FRMD3: variants seen among roughly 807,000 people sequenced by gnomAD.
FRMD3 encodes the protein FERM domain containing 3.
Under a neutral mutation model 70.2 loss-of-function variants are expected in FRMD3, and 33 were observed. The ratio of observed to expected loss-of-function variants is 0.47; its 90% CI spans 0.36 to 0.63. FRMD3 has a LOEUF of 0.63. Ranked by LOEUF, FRMD3 falls within the 20% of genes least tolerant of loss-of-function variation. FRMD3 has a pLI of 0.00. For synonymous variants in FRMD3, 279 were observed against 255.9 expected, an observed-to-expected ratio of 1.09 and a Z score of -0.86; for missense variants, 632 against 711.4, an observed-to-expected ratio of 0.89 and a Z score of 1.27.
At chr9:83,469,330 T>G (rs1303836005) in intron 1 of FRMD3, among the ~76,000 whole-genome samples, 1 of 152,186 alleles carries the variant, frequency 6.6e-6, no homozygotes, top group African/African-American at 2.4e-5. Flanking sequence ...AGCAATCCAG[T>G]AGGGATCCAC....
At chr9:83,514,678 C>G (rs1333707944) in intron 1 of FRMD3, among the ~76,000 whole-genome samples, 1 of 152,174 alleles carries the variant, frequency 6.6e-6, no homozygotes, top group East Asian at 1.9e-4. Context: ...GAGACTCCCC[C>G]CAGCAAGGGT....
intron 13 of FRMD3, among the ~76,000 whole-genome samples, chr9:83,283,912 T>C (rs1006691906): frequency 2.0e-5 from 3 of 152,244 alleles, no homozygotes; most frequent in African/African-American, 4.8e-5. Context: ...TGTGTTTTCA[T>C]GCACCAGTGT....
At chr9:83,522,354 C>T (rs4416904) in intron 1 of FRMD3, among the ~76,000 whole-genome samples, 7,871 of 151,996 alleles carry the variant, frequency 0.052, 301 homozygotes, top group East Asian at 0.2. Context: ...CCTCTGCTCG[C>T]GGAGGCCAGA....
At chr9:83,273,405 G>C (rs1833679549) in intron 13 of FRMD3, among the ~76,000 whole-genome samples, 2 of 151,000 alleles carry the variant, frequency 1.3e-5, no homozygotes, top group Non-Finnish European at 2.9e-5. Context: ...TGCAAGATGT[G>C]CTTTGTTAAA....
chr9:83,424,974 A>G (rs1826762096), intron 1 of FRMD3, among the ~76,000 whole-genome samples: 1 of 152,262 alleles, frequency 6.6e-6, no homozygotes, highest in Non-Finnish European at 1.5e-5. Flanking sequence ...AAACTAGTTT[A>G]CAAGTAGATG....
intron 13 of FRMD3, among the ~76,000 whole-genome samples, chr9:83,255,387 G>T (rs1467015932): frequency 6.6e-6 from 1 of 151,918 alleles, no homozygotes; most frequent in Non-Finnish European, 1.5e-5. Context: ...ACCTCAAAAT[G>T]ATAAGAGCCA....
At chr9:83,393,440 C>A (rs769363185) in intron 1 of FRMD3, among the ~76,000 whole-genome samples, 1 of 152,258 alleles carries the variant, frequency 6.6e-6, no homozygotes, top group East Asian at 1.9e-4. Context: ...ATTTTTCCAA[C>A]GACAGGGTGG....
chr9:83,293,293 T>G (rs1247797843), intron 12 of FRMD3, among the ~76,000 whole-genome samples: 1 of 152,206 alleles, frequency 6.6e-6, no homozygotes, highest in East Asian at 1.9e-4. Context: ...TGGCCACTCA[T>G]GACTATGATT....
intron 1 of FRMD3, among the ~76,000 whole-genome samples, chr9:83,438,203 A>G (rs746062508): frequency 4.6e-5 from 7 of 152,240 alleles, no homozygotes; most frequent in Admixed American, 1.3e-4. Context: ...CCACAAAAAT[A>G]TGGGGTAGTG....
Position 83,457,265 on chromosome 9 carries a change from A to G in FRMD3, c.148-67557T>C, listed in dbSNP as rs143008932. 4.3e-3 allele frequency among the ~76,000 whole-genome samples: 656 copies of G among 152,342 alleles called. 5 individuals are homozygous for G. The highest frequency in any genetic ancestry group is 7.1e-3 in the Admixed American group (109 of 15,290). On this transcript the variant is annotated intron_variant, in intron 1 of 13. Transcript: ENST00000304195. ...CCATCCAGCACTGGTCTGAAGTTCAACTACTCAGAAATATCAACACTATAG... is the reference window on the plus strand; with the variant it reads ...CCATCCAGCACTGGTCTGAAGTTCAGCTACTCAGAAATATCAACACTATAG...
chr9:83,245,786 T>G lies in FRMD3; in HGVS notation c.*2132A>C. 21 of 985,056 alleles carry G rather than the reference T, an allele frequency of 2.1e-5. No individual in the cohort carries two copies. Among genetic ancestry groups the G allele is most frequent in the Non-Finnish European group, 2.5e-5 (21 of 829,646 alleles). 61.0% of individuals were successfully genotyped at this position (985,056 alleles called of 1,614,324 possible). A position where few individuals can be genotyped will look rare whatever the true frequency, so the allele number is the denominator to read the frequency against. ...TTGTGCAGACTACACTAAAGTTGCC[T>G]TATGTCAGAAAGGATGACTTAGAAG... On this transcript the variant is annotated 3_prime_UTR_variant, in exon 14 of 14. Transcript: ENST00000304195.
chr9:83,354,638 C>T (rs943008252), intron 3 of FRMD3, among the ~76,000 whole-genome samples: 1 of 152,054 alleles, frequency 6.6e-6, no homozygotes, highest in African/African-American at 2.4e-5. Flanking sequence ...TGCATGTAAA[C>T]CCTGAATCTA....
At chr9:83,346,566 T>C (rs991437399) in intron 4 of FRMD3, among the ~76,000 whole-genome samples, 2 of 152,194 alleles carry the variant, frequency 1.3e-5, no homozygotes, top group Non-Finnish European at 2.9e-5. Context: ...GGATGACCAC[T>C]TGGGTGCAAA....
intron 13 of FRMD3, among the ~76,000 whole-genome samples, chr9:83,290,344 G>C (rs1317100124): frequency 6.6e-6 from 1 of 152,126 alleles, no homozygotes; most frequent in Non-Finnish European, 1.5e-5. Flanking sequence ...GACTGGTGTA[G>C]GTCTAACACC....
At chr9:83,544,383 C>T in the FRMD3 span, among the ~76,000 whole-genome samples, 47 of 152,240 alleles carry the variant, frequency 3.1e-4, no homozygotes, top group African/African-American at 1.1e-3. Flanking sequence ...ATTGGGTTAT[C>T]CAAGAACAAG....
At chr9:83,404,030 A>G (rs1826027864) in intron 1 of FRMD3, among the ~76,000 whole-genome samples, 1 of 151,728 alleles carries the variant, frequency 6.6e-6, no homozygotes, top group South Asian at 2.1e-4. Context: ...TTCCTAAAAC[A>G]ACTGCTCTGT....
intron 6 of FRMD3, among the ~76,000 whole-genome samples, chr9:83,317,193 T>TACAC (rs71823603): frequency 0.076 from 11,043 of 145,026 alleles, 481 homozygotes; most frequent in East Asian, 0.18. Context: ...CTCTCATGCA[T>TACAC]ACACACACAC....
chr9:83,579,893 A>T, the FRMD3 span, among the ~76,000 whole-genome samples: 1 of 152,082 alleles, frequency 6.6e-6, no homozygotes, highest in Non-Finnish European at 1.5e-5. Context: ...CTTAATATTT[A>T]AAATATATAA....
At chr9:83,490,007 T>C (rs752874399) in intron 1 of FRMD3, among the ~76,000 whole-genome samples, 7 of 152,184 alleles carry the variant, frequency 4.6e-5, no homozygotes, top group Admixed American at 3.3e-4. Context: ...TTTCCTGCCC[T>C]AGAGAACTTG....
Sources: allele counts gnomAD v4.1 joint callset (sites outside exome capture counted in the v4.1 genomes callset), GRCh38; gene constraint gnomAD v4.1.1; transcripts MANE v1.5; gene names NCBI Gene and HGNC (gene_info 2026-07-23, HGNC 2026-07-21).